Variants in APC observed in about 807,000 individuals in gnomAD.
APC encodes the protein adenomatous polyposis coli protein.
APC carries 72 observed loss-of-function variants against 247.0 expected under a neutral mutation model. That is an observed-to-expected ratio of 0.29 (90% CI 0.24 to 0.35). The LOEUF is 0.35. APC is among the 10% of genes least tolerant of loss of function. The probability of loss-of-function intolerance (pLI) is 1.00; values close to 1 mark genes in which losing one functional copy is unlikely to be tolerated. For missense variants in APC, 3,400 were observed against 3,360.7 expected (o/e 1.01, Z -0.29); for synonymous variants, 1,254 against 1,162.5 (o/e 1.08, Z -1.60).
At chr5:112,744,641 A>G (rs1369288102) in intron 1 of APC, among the ~76,000 whole-genome samples, 1 of 152,202 alleles carries the variant, frequency 6.6e-6, no homozygotes, top group African/African-American at 2.4e-5. Context: ...ATATATTATA[A>G]CAGCAGAGGA....
In APC at chr5:112,717,641, AAG is replaced by A. The variant is rs1278064821; in HGVS notation, c.165+9761_165+9762del. Among the ~76,000 whole-genome samples the A allele has an allele frequency of 1.3e-4, 20 of 152,212 alleles. No individual in the cohort carries two copies. In the East Asian group the frequency reaches 2.7e-3, roughly 21 times the overall value. ...CTCAACTCTTTGTGTCTCAACTTTTAAGATAATGTGATTTTGTTTGGCTGCTT... is the reference window on the plus strand; with the variant it reads ...CTCAACTCTTTGTGTCTCAACTTTTAATAATGTGATTTTGTTTGGCTGCTT... On this transcript the variant is annotated intron_variant, in intron 1 of 13. Transcript: ENST00000507379.
chr5:112,818,450 A>C (rs866831668), intron 9 of APC, among the ~76,000 whole-genome samples: 5 of 89,788 alleles, frequency 5.6e-5, no homozygotes, highest in African/African-American at 2.1e-4. Flanking sequence ...GTATAATTTT[A>C]ATAATATTAT....
Position 112,751,904 on chromosome 5 carries a change from T to C in APC, c.-18-2969T>C, listed in dbSNP as rs565610713. 1.6e-3 allele frequency among the ~76,000 whole-genome samples: 246 copies of C among 152,166 alleles called. 3 individuals are homozygous for C. Among genetic ancestry groups the C allele is most frequent in the African/African-American group, 5.8e-3 (241 of 41,552 alleles). On this transcript the variant is annotated intron_variant, in intron 1 of 15. Coordinates refer to ENST00000257430, the MANE Select transcript of APC (RefSeq NM_000038.6). The stretch of plus-strand genomic sequence containing the variant: ...GATAGATCATGTTAAAGAAATGTTC[T>C]TTTTTATTCAGTATTTTCAACAAGA...
rs1580454833 is a variant in APC at position 112,801,312 on chromosome 5, CATG to C, written c.767_769del (p.Asp256del). ...TCAGAACAAGCATGAAACCGGCTCACATGATGCTGAGCGGCAGAATGAAGGTCA... is the reference window on the plus strand; with the variant it reads ...TCAGAACAAGCATGAAACCGGCTCACATGCTGAGCGGCAGAATGAAGGTCA... On this transcript the variant is annotated inframe_deletion, in exon 8 of 16. Transcript: ENST00000257430. The C allele has an allele frequency of 1.9e-6, 3 of 1,613,060 alleles. No individual in the cohort carries two copies. Among genetic ancestry groups the C allele is most frequent in the Non-Finnish European group, 2.5e-6 (3 of 1,179,286 alleles).
At chr5:112,756,189 A>T (rs550926470) in intron 2 of APC, among the ~76,000 whole-genome samples, 1 of 151,988 alleles carries the variant, frequency 6.6e-6, no homozygotes, top group Non-Finnish European at 1.5e-5. Context: ...TTTACCCTTT[A>T]TATTCAGTAT....
Position 112,796,874 on chromosome 5 carries a change from T to C in APC, c.729+4345T>C, listed in dbSNP as rs190418097. Among the ~76,000 whole-genome samples, 495 of 152,260 alleles carry C rather than the reference T, an allele frequency of 3.3e-3. 1 individual carries two copies. The highest frequency in any genetic ancestry group is 5.2e-3 in the Admixed American group (79 of 15,304). On this transcript the variant is annotated intron_variant, in intron 7 of 15. Coordinates refer to ENST00000257430, the MANE Select transcript of APC (RefSeq NM_000038.6). ...TTCTGATTATTACTGTTTTGCTGCA[T>C]CTAACAGGTTTTGATATTTCTAAAT...
chr5:112,791,533 G>A (rs528469496), intron 6 of APC, among the ~76,000 whole-genome samples: 1 of 152,206 alleles, frequency 6.6e-6, no homozygotes, highest in East Asian at 1.9e-4. Context: ...TCTAGGTTGC[G>A]GGCTCCTTAT....
chr5:112,717,447 A>G (rs112427434), intron 1 of APC, among the ~76,000 whole-genome samples: 130 of 152,074 alleles, frequency 8.5e-4, no homozygotes, highest in African/African-American at 2.8e-3. Flanking sequence ...TGCACTTAAG[A>G]TTGCTTTCTT....
Position 112,779,794 on chromosome 5 carries a change from G to T in APC, c.532-996G>T, listed in dbSNP as rs138317162. Among the ~76,000 whole-genome samples, 654 of 152,238 alleles carry T rather than the reference G, an allele frequency of 4.3e-3. 4 individuals carry two copies. Among genetic ancestry groups the T allele is most frequent in the African/African-American group, 0.015 (624 of 41,544 alleles). ...CTATTGCAACCCATAATTTGGGTAT[G>T]CCTAAGGGAATGCATTCTGCATATG... On this transcript the variant is annotated intron_variant, in intron 5 of 15. Transcript: ENST00000257430.
chr5:112,842,255 A>C lies in APC; in HGVS notation c.6661A>C (p.Met2221Leu), dbSNP rs772397468. The C allele has an allele frequency of 6.2e-7, 1 of 1,614,076 alleles. No individual in the cohort carries two copies. The highest frequency in any genetic ancestry group is 1.7e-5 in the Admixed American group (1 of 60,020). Residue 2221 changes from methionine (M) to leucine (L), a missense_variant, in exon 16 of 16, where the codon ATG becomes CTG. Around this residue, in one of 9 missense-constraint regions of APC, gnomAD observed 1,788 missense variants for 1,649.5 expected, o/e 1.08. Coordinates refer to ENST00000257430, the MANE Select transcript of APC (RefSeq NM_000038.6). ...GQMKQPLQANMPSISRGRTMI... is the reference protein window; with the variant it reads ...GQMKQPLQANLPSISRGRTMI... ...AATGAAACAGCCCCTTCAAGCAAAC[A>C]TGCCTTCAATCTCTCGAGGCAGGAC...
chr5:112,748,251 A>G (rs1392737081), intron 1 of APC, among the ~76,000 whole-genome samples: 1 of 152,118 alleles, frequency 6.6e-6, no homozygotes, highest in East Asian at 1.9e-4. Context: ...AGAAAACTGA[A>G]TATCACCACC....
intron 6 of APC, 33 bp downstream of exon 6, chr5:112,780,936 G>T: frequency 7.4e-7 from 1 of 1,356,514 alleles, no homozygotes; most frequent in Non-Finnish European, 1.0e-6. Flanking sequence ...ATAAAACAGC[G>T]AAGAGCTATT....
At position 112,841,378 on chromosome 5, in the gene APC, G is replaced by A. The variant is rs761186363; in HGVS notation, c.5784G>A (p.Gln1928=). 8.7e-6 allele frequency: 14 copies of A among 1,613,698 alleles called. No homozygotes were observed. Among genetic ancestry groups the A allele is most frequent in the Non-Finnish European group, 1.2e-5 (14 of 1,179,702 alleles). ...INRGQPKPIL[Q]KQSTFPQSSK... is the part of the protein sequence containing the mutation. Reference sequence around the variant, plus strand: ...GAGGTCAGCCTAAACCCATACTTCAGAAACAATCCACTTTTCCCCAGTCAT... The same window carrying A: ...GAGGTCAGCCTAAACCCATACTTCAAAAACAATCCACTTTTCCCCAGTCAT... The change falls in exon 16 of 16, where the codon CAG becomes CAA. Residue 1928 remains glutamine (Q), a synonymous_variant. Transcript: ENST00000257430. The surrounding 1 kb of genome is among the most constrained non-coding windows in gnomAD (Gnocchi z 4.6).
chr5:112,758,024 G>A (rs1344782299), intron 2 of APC, among the ~76,000 whole-genome samples: 4 of 152,214 alleles, frequency 2.6e-5, no homozygotes, highest in Non-Finnish European at 5.9e-5. Flanking sequence ...GTCTGAGGCA[G>A]AGGGGTGGAA....
chr5:112,745,107 A>T (rs1753489854), intron 1 of APC, among the ~76,000 whole-genome samples: 1 of 138,670 alleles, frequency 7.2e-6, no homozygotes, highest in Non-Finnish European at 1.6e-5. Flanking sequence ...ATAAGGGCAT[A>T]TATAGGATTT....
intron 7 of APC, among the ~76,000 whole-genome samples, chr5:112,796,198 A>G (rs1258077542): frequency 1.3e-5 from 2 of 152,204 alleles, no homozygotes; most frequent in African/African-American, 4.8e-5. Flanking sequence ...TCATAGTCAA[A>G]GTAATGTAAA....
At chr5:112,747,641 A>G (rs971002468) in intron 1 of APC, among the ~76,000 whole-genome samples, 32 of 152,162 alleles carry the variant, frequency 2.1e-4, no homozygotes, top group African/African-American at 7.7e-4. Context: ...AGTAAAAACA[A>G]AATAAAGATG....
rs1554084343 is a variant in APC at position 112,838,246 on chromosome 5, A to G, written c.2652A>G (p.Ala884=). 6.2e-7 allele frequency: 1 copy of G among 1,614,104 alleles called. No individual in the cohort carries two copies. The highest frequency in any genetic ancestry group is 8.5e-7 in the Non-Finnish European group (1 of 1,180,056). Residue 884 remains alanine, a synonymous_variant, in exon 16 of 16, where the codon GCA becomes GCG. Coordinates refer to ENST00000257430, the MANE Select transcript of APC (RefSeq NM_000038.6). ...GAGGTTTGCAGATCTCCACCACTGC[A>G]GCCCAGATTGCCAAAGTCATGGAAG... is the stretch of plus-strand genomic sequence containing the variant. The part of the protein sequence containing the change: ...SKRGLQISTT[A]AQIAKVMEEV...
chr5:112,735,310 G>A (rs1291299313), upstream of APC, among the ~76,000 whole-genome samples: 2 of 152,018 alleles, frequency 1.3e-5, no homozygotes, highest in Non-Finnish European at 2.9e-5. Context: ...AGAGTAGCTA[G>A]GACCACAGGC....
Sources: gnomAD v4.1 joint callset for allele counts (sites outside exome capture counted in the v4.1 genomes callset) on GRCh38, gnomAD v4.1.1 for gene constraint, gnomAD v4.1.1 regional missense constraint, Gnocchi (gnomAD v3.1) non-coding constraint, MANE v1.5 for transcripts, NCBI Gene and HGNC (gene_info 2026-07-23, HGNC 2026-07-21) for gene names.